HECW1: variants seen among roughly 807,000 people sequenced by gnomAD.
HECW1 encodes E3 ubiquitin-protein ligase HECW1.
In HECW1, 61 loss-of-function variants were observed where a neutral mutation model predicts 182.3. The observed-to-expected ratio is 0.33, with a 90% confidence interval of 0.27 to 0.41. HECW1 has a LOEUF of 0.41. Among genes scored for constraint, HECW1 ranks in the 10% least tolerant of loss-of-function variants. The probability of loss-of-function intolerance (pLI) is 1.00; values close to 1 mark genes in which losing one functional copy is unlikely to be tolerated. For synonymous variants in HECW1, 859 were observed against 832.6 expected, an observed-to-expected ratio of 1.03 and a Z score of -0.55; for missense variants, 1,739 against 2,108.9, an observed-to-expected ratio of 0.82 and a Z score of 3.44.
chr7:43,295,740 C>T (rs1039169848), intron 3 of HECW1, among the ~76,000 whole-genome samples: 1 of 152,144 alleles, frequency 6.6e-6, no homozygotes, highest in South Asian at 2.1e-4. Flanking sequence ...ATCCCACTAT[C>T]TCTCAGTCTC....
intron 2 of HECW1, among the ~76,000 whole-genome samples, chr7:43,231,625 T>G (rs1033117121): frequency 6.6e-6 from 1 of 152,112 alleles, no homozygotes; most frequent in Non-Finnish European, 1.5e-5. Flanking sequence ...AATTCAGCTG[T>G]GGGCTTATAC....
chr7:43,421,106 A>G (rs1172063319), intron 8 of HECW1, among the ~76,000 whole-genome samples: 1 of 152,260 alleles, frequency 6.6e-6, no homozygotes, highest in Non-Finnish European at 1.5e-5. Flanking sequence ...CAAATAGCTA[A>G]TTAAATAGAT....
At chr7:43,481,037 G>A (rs972529961) in intron 17 of HECW1, among the ~76,000 whole-genome samples, 1 of 152,172 alleles carries the variant, frequency 6.6e-6, no homozygotes, top group Non-Finnish European at 1.5e-5. Flanking sequence ...ATTGTTTCAG[G>A]AGACTGCTGA....
At chr7:43,172,123 C>CA (rs537618606) in intron 2 of HECW1, among the ~76,000 whole-genome samples, 9,078 of 75,030 alleles carry the variant, frequency 0.12, 354 homozygotes, top group Non-Finnish European at 0.13. Flanking sequence ...ACTAAAAATA[C>CA]AAAAAAAAAA....
chr7:43,126,459 C>G (rs1445445936), intron 2 of HECW1, among the ~76,000 whole-genome samples: 1 of 152,164 alleles, frequency 6.6e-6, no homozygotes, highest in Non-Finnish European at 1.5e-5. Context: ...AAAGCTACTG[C>G]CATGCTATAA....
chr7:43,264,376 C>T (rs898363057), intron 3 of HECW1, among the ~76,000 whole-genome samples: 1 of 152,134 alleles, frequency 6.6e-6, no homozygotes, highest in Non-Finnish European at 1.5e-5. Flanking sequence ...TAACATATAA[C>T]CTGAACATCC....
chr7:43,496,833 T>C (rs1490722425), intron 19 of HECW1, among the ~76,000 whole-genome samples: 1 of 152,210 alleles, frequency 6.6e-6, no homozygotes, highest in Non-Finnish European at 1.5e-5. Flanking sequence ...CAGAGGTTAA[T>C]GGCATCTGTT....
chr7:43,338,103 C>G (rs1812525840), intron 5 of HECW1, among the ~76,000 whole-genome samples: 1 of 152,194 alleles, frequency 6.6e-6, no homozygotes, highest in African/African-American at 2.4e-5. Flanking sequence ...ACACAGAGAC[C>G]TACTCCAGTG....
intron 2 of HECW1, among the ~76,000 whole-genome samples, chr7:43,187,039 C>T (rs1793475756): frequency 6.6e-6 from 1 of 152,080 alleles, no homozygotes; most frequent in African/African-American, 2.4e-5. Context: ...GCCTCAGTCT[C>T]TCATGAGGTT....
intron 3 of HECW1, among the ~76,000 whole-genome samples, chr7:43,289,837 G>A (rs1805164244): frequency 2.0e-5 from 3 of 152,212 alleles, no homozygotes. Flanking sequence ...GTGTACACTG[G>A]TTAGGCAGGA....
intron 5 of HECW1, among the ~76,000 whole-genome samples, chr7:43,330,334 T>A (rs7800809): frequency 6.6e-6 from 1 of 151,764 alleles, no homozygotes; most frequent in Admixed American, 6.6e-5. Flanking sequence ...AGGCCCAGAG[T>A]TTCCAGCCAT....
chr7:43,559,013 G>A (rs1280146521), intron 29 of HECW1, among the ~76,000 whole-genome samples: 1 of 152,216 alleles, frequency 6.6e-6, no homozygotes, highest in Non-Finnish European at 1.5e-5. Flanking sequence ...TACATAACCG[G>A]CTGAACAATT....
chr7:43,121,528 C>T (rs1307322901), intron 2 of HECW1, among the ~76,000 whole-genome samples: 2 of 152,062 alleles, frequency 1.3e-5, no homozygotes, highest in African/African-American at 2.4e-5. Context: ...TGTAAACATA[C>T]AGTGATATGT....
intron 2 of HECW1, among the ~76,000 whole-genome samples, chr7:43,120,168 A>G (rs1231326729): frequency 2.6e-5 from 4 of 152,148 alleles, no homozygotes; most frequent in Admixed American, 2.6e-4. Flanking sequence ...CTTTGCCTAC[A>G]GGGCTTGCCT....
chr7:43,499,374 C>A (rs1306116651), intron 19 of HECW1, among the ~76,000 whole-genome samples: 1 of 151,870 alleles, frequency 6.6e-6, no homozygotes, highest in Non-Finnish European at 1.5e-5. Flanking sequence ...GAGGCTGAGG[C>A]ACAAGAATCG....
chr7:43,447,118 G>C (rs928425388), intron 11 of HECW1, among the ~76,000 whole-genome samples: 3 of 151,990 alleles, frequency 2.0e-5, no homozygotes, highest in Non-Finnish European at 4.4e-5. Flanking sequence ...AATACTTTAG[G>C]CTTTGTGGGT....
At chr7:43,458,582 TG>T (rs1236638253) in intron 13 of HECW1, among the ~76,000 whole-genome samples, 5 of 152,334 alleles carry the variant, frequency 3.3e-5, no homozygotes, top group South Asian at 2.1e-4. Context: ...TTTAGCACTT[TG>T]AGAAGGTACT....
At chr7:43,209,816 C>T (rs146347396) in intron 2 of HECW1, among the ~76,000 whole-genome samples, 2 of 152,258 alleles carry the variant, frequency 1.3e-5, no homozygotes, top group African/African-American at 4.8e-5. Context: ...GGCGGGCATT[C>T]CAGAAGAGTG....
intron 26 of HECW1, among the ~76,000 whole-genome samples, chr7:43,546,732 G>T (rs1456430083): frequency 6.6e-6 from 1 of 152,136 alleles, no homozygotes. Flanking sequence ...TCATTATCCA[G>T]GCTTTCTTGT....
Sources: gnomAD v4.1 joint callset for allele counts (sites outside exome capture counted in the v4.1 genomes callset) on GRCh38, gnomAD v4.1.1 for gene constraint, MANE v1.5 for transcripts, NCBI Gene and HGNC (gene_info 2026-07-23, HGNC 2026-07-21) for gene names.